The following CCDC141 variants were observed in gnomAD, a reference collection of about 807,000 sequenced individuals.
CCDC141 encodes the protein coiled-coil domain-containing protein 141.
Under a neutral mutation model 181.0 loss-of-function variants are expected in CCDC141, and 168 were observed. That is an observed-to-expected ratio of 0.93 (90% confidence interval 0.82 to 1.05). The LOEUF is 1.05. Among genes scored for constraint, CCDC141 ranks in the 50% least tolerant of loss-of-function variants. The probability of loss-of-function intolerance (pLI) is 0.00; values close to 1 mark genes in which losing one functional copy is unlikely to be tolerated. For synonymous variants in CCDC141, 666 were observed against 642.3 expected (o/e 1.04, Z -0.56); for missense variants, 1,902 against 1,788.5 (o/e 1.06, Z -1.14).
chr2:178,998,622 C>A (rs1692393077), intron 2 of CCDC141, among the ~76,000 whole-genome samples: 1 of 151,926 alleles, frequency 6.6e-6, no homozygotes, highest in Non-Finnish European at 1.5e-5. Context: ...TTAATTATCT[C>A]TTCATAATTA....
intron 2 of CCDC141, among the ~76,000 whole-genome samples, chr2:179,028,412 A>T (rs1429713129): frequency 1.3e-5 from 2 of 152,218 alleles, no homozygotes; most frequent in South Asian, 2.1e-4. Context: ...GTGGAACAAC[A>T]GTTTACCCTT....
chr2:178,904,226 G>C (rs1687849820), intron 8 of CCDC141, among the ~76,000 whole-genome samples: 3 of 152,158 alleles, frequency 2.0e-5, no homozygotes. Flanking sequence ...TTTTTCAAAG[G>C]GGAGAATCCC....
At chr2:178,934,246 G>A (rs1689202216) in intron 6 of CCDC141, among the ~76,000 whole-genome samples, 1 of 152,106 alleles carries the variant, frequency 6.6e-6, no homozygotes, top group Non-Finnish European at 1.5e-5. Context: ...CCTGAAGGGA[G>A]TTCTATTATA....
At chr2:179,015,787 CATATATATCTCATATATGTATCAT>C (rs1203291424) in intron 2 of CCDC141, among the ~76,000 whole-genome samples, 1 of 136,150 alleles carries the variant, frequency 7.3e-6, no homozygotes, top group South Asian at 2.4e-4. Context: ...ATATATGTAT[CATATATATCTCATATATGTATCAT>C]ATATATCTCA....
intron 5 of CCDC141, among the ~76,000 whole-genome samples, chr2:178,960,959 G>A (rs953986561): frequency 3.9e-5 from 6 of 152,118 alleles, no homozygotes; most frequent in Non-Finnish European, 8.8e-5. Context: ...TAGAAGGAAG[G>A]AAGAATCCAA....
intron 2 of CCDC141, among the ~76,000 whole-genome samples, chr2:179,005,058 A>C (rs2042085600): frequency 6.6e-6 from 1 of 152,210 alleles, no homozygotes. Context: ...AAAAGCCACA[A>C]AAATTTTTTT....
At chr2:178,980,486 A>C (rs971948745) in intron 2 of CCDC141, among the ~76,000 whole-genome samples, 2 of 152,180 alleles carry the variant, frequency 1.3e-5, no homozygotes, top group African/African-American at 4.8e-5. Context: ...AAACTGTCCT[A>C]ATTTTGTTAG....
At position 178,986,819 on chromosome 2, in the gene CCDC141, G is replaced by T. The variant is rs532418348; in HGVS notation, c.226-8144C>A. Among the ~76,000 whole-genome samples the T allele has an allele frequency of 4.7e-3, 714 of 151,564 alleles. 8 individuals are homozygous for T. Among genetic ancestry groups the T allele is most frequent in the African/African-American group, 0.017 (683 of 41,308 alleles). On this transcript the variant is annotated intron_variant, in intron 2 of 23. Coordinates refer to ENST00000443758, the MANE Select transcript of CCDC141 (RefSeq NM_173648.4). ...ACCGCTGCTCAAGGAAATAAAAGAG[G>T]ATACAAACAAATGGAAGAACATTCC...
intron 1 of CCDC141, among the ~76,000 whole-genome samples, chr2:179,049,456 C>T (rs2043605069): frequency 6.6e-6 from 1 of 152,188 alleles, no homozygotes. Flanking sequence ...TCTCAAAAAT[C>T]ACAAGCATTC....
chr2:179,009,823 A>T (rs2042217331), intron 2 of CCDC141, among the ~76,000 whole-genome samples: 1 of 152,160 alleles, frequency 6.6e-6, no homozygotes, highest in Admixed American at 6.6e-5. Flanking sequence ...CTGAAAAAGA[A>T]TTCAGGAGGT....
intron 9 of CCDC141, 68 bp from the exon 10 acceptor site, chr2:178,886,939 A>G: frequency 1.1e-6 from 1 of 899,140 alleles, no homozygotes; most frequent in Non-Finnish European, 1.5e-6. Flanking sequence ...CACATGTGTC[A>G]GGAAGATAAA....
At chr2:178,947,047 C>T (rs1049011174) in intron 5 of CCDC141, among the ~76,000 whole-genome samples, 13 of 152,270 alleles carry the variant, frequency 8.5e-5, no homozygotes, top group African/African-American at 3.1e-4. Context: ...GCAGACTCTT[C>T]GATCAGATTT....
At chr2:178,928,454 T>A (rs1166691858) in intron 6 of CCDC141, among the ~76,000 whole-genome samples, 1 of 152,196 alleles carries the variant, frequency 6.6e-6, no homozygotes, top group African/African-American at 2.4e-5. Flanking sequence ...TGGATTCAAT[T>A]TCACTCTTAT....
intron 4 of CCDC141, among the ~76,000 whole-genome samples, chr2:178,965,994 C>G (rs113188283): frequency 7.2e-5 from 11 of 152,190 alleles, no homozygotes; most frequent in African/African-American, 2.4e-4. Context: ...ACAGTGTAAA[C>G]AAAGCCACTG....
Position 178,833,386 on chromosome 2 carries a change from T to C in CCDC141, c.*787A>G, listed in dbSNP as rs774357784. The stretch of plus-strand genomic sequence containing the variant: ...GAGGCAATGAGGCTTTGCCATAAAG[T>C]ATAAAAATGGTCATCAGCAGAATCA... On this transcript the variant is annotated 3_prime_UTR_variant, in exon 24 of 24. Coordinates refer to ENST00000443758, the MANE Select transcript of CCDC141 (RefSeq NM_173648.4). 6.6e-6 allele frequency: 1 copy of C among 152,150 alleles called. No homozygotes were observed. Among genetic ancestry groups the C allele is most frequent in the Non-Finnish European group, 1.5e-5 (1 of 67,998 alleles). 9.4% of individuals were successfully genotyped at this position (152,150 alleles called of 1,614,324 possible). A position where few individuals can be genotyped will look rare whatever the true frequency, so the allele number is the denominator to read the frequency against.
At chr2:178,897,125 T>A (rs1363963528) in intron 8 of CCDC141, among the ~76,000 whole-genome samples, 1 of 152,074 alleles carries the variant, frequency 6.6e-6, no homozygotes, top group East Asian at 1.9e-4. Flanking sequence ...TCCTGCTCAG[T>A]CACTCTATCT....
chr2:178,822,116 A>G, the CCDC141 span, among the ~76,000 whole-genome samples: 17 of 152,178 alleles, frequency 1.1e-4, no homozygotes, highest in African/African-American at 3.9e-4. Context: ...AGGGACATGG[A>G]TGAAGCTGGA....
intron 6 of CCDC141, among the ~76,000 whole-genome samples, chr2:178,921,300 A>G (rs1162494554): frequency 6.6e-6 from 1 of 152,260 alleles, no homozygotes; most frequent in Non-Finnish European, 1.5e-5. Flanking sequence ...ACTGGGAATG[A>G]GCAAATATTT....
the CCDC141 span, among the ~76,000 whole-genome samples, chr2:178,821,212 C>T: frequency 6.6e-6 from 1 of 152,042 alleles, no homozygotes; most frequent in African/African-American, 2.4e-5. Flanking sequence ...TTTGGGTATA[C>T]CAAGTTTTTA....
Sources: allele counts gnomAD v4.1 joint callset (sites outside exome capture counted in the v4.1 genomes callset), GRCh38; gene constraint gnomAD v4.1.1; transcripts MANE v1.5; gene names NCBI Gene and HGNC (gene_info 2026-07-23, HGNC 2026-07-21).